TRPV1: variants seen among roughly 807,000 people sequenced by gnomAD.
TRPV1 encodes OTRPC1.
TRPV1 carries 82 observed loss-of-function variants against 82.3 expected under a neutral mutation model. The observed-to-expected ratio is 1.00, with a 90% CI of 0.83 to 1.20. The LOEUF is 1.20. TRPV1 is among the 50% of genes most tolerant of loss of function. The probability of loss-of-function intolerance (pLI) is 0.00; values close to 1 mark genes in which losing one functional copy is unlikely to be tolerated. For missense variants in TRPV1, 1,067 were observed against 1,096.8 expected, an observed-to-expected ratio of 0.97 and a Z score of 0.38; for synonymous variants, 515 against 467.7, an observed-to-expected ratio of 1.10 and a Z score of -1.30.
intron 2 of TRPV1, 33 bp from the exon 3 acceptor site, chr17:3,592,416 A>G (rs2075171820): frequency 6.6e-7 from 1 of 1,509,502 alleles, no homozygotes; most frequent in Non-Finnish European, 8.9e-7. Context: ...GTTGACTCCC[A>G]AAGTAAGGAC....
rs1173437837 is a variant in TRPV1 at position 3,592,480 on chromosome 17, G to T, written c.-33-97C>A. The stretch of plus-strand genomic sequence containing the variant: ...CTTGCCAAGGGCCCTGTGAAGCAGG[G>T]TACCCCAAAACTCCAACTTGCTGCT... On this transcript the variant is annotated intron_variant, in intron 2 of 16. Coordinates refer to ENST00000572705, the MANE Select transcript of TRPV1 (RefSeq NM_080704.4). 5.8e-5 allele frequency: 75 copies of T among 1,291,192 alleles called. 1 individual carries two copies. The highest frequency in any genetic ancestry group is 7.4e-5 in the Non-Finnish European group (71 of 963,854). The allele number at this position is 1,291,192 out of a possible 1,614,324, so 80.0% of individuals were successfully genotyped here. A position where few individuals can be genotyped will look rare whatever the true frequency, so the allele number is the denominator to read the frequency against.
chr17:3,589,849 T>TC lies in TRPV1; in HGVS notation c.1001dup (p.Met335AsnfsTer75). The TC allele has an allele frequency of 2.5e-6, 4 of 1,613,818 alleles. No individual in the cohort carries two copies. The highest frequency in any genetic ancestry group is 3.4e-6 in the Non-Finnish European group (4 of 1,179,846). On this transcript the variant is annotated frameshift_variant, in exon 7 of 17. Transcript: ENST00000572705. LOFTEE classifies it high-confidence loss of function. ...CAGCTGCCAGAGCCAGCGGCGTCAT[T>TC]CCCTTCTTGTTGGTGAGCTCCTCCA...
chr17:3,585,592 G>A (rs1444283287), intron 9 of TRPV1, 176 bp downstream of exon 9: 2 of 740,606 alleles, frequency 2.7e-6, no homozygotes, highest in Non-Finnish European at 4.3e-6. Flanking sequence ...GCCTGAGGCA[G>A]GGGAGATGGG....
rs1263666384 is a variant in TRPV1 at position 3,565,709 on chromosome 17, C to T, written c.*1106G>A. ...CTGCCAGAGCTGGGAGTGGGACAGC[C>T]TCCCCCATCTTCTCCAGGGAGGAAA... On this transcript the variant is annotated 3_prime_UTR_variant, in exon 17 of 17. Transcript: ENST00000572705. 6.6e-6 allele frequency: 1 copy of T among 152,272 alleles called. No homozygotes were observed. The highest frequency in any genetic ancestry group is 2.4e-5 in the African/African-American group (1 of 41,434). 9.4% of individuals were successfully genotyped at this position (152,272 alleles called of 1,614,324 possible). A position where few individuals can be genotyped will look rare whatever the true frequency, so the allele number is the denominator to read the frequency against.
At position 3,590,403 on chromosome 17, in the gene TRPV1, C is replaced by T. The variant is rs201348096; in HGVS notation, c.605-11G>A. The T allele has an allele frequency of 2.1e-4, 338 of 1,612,218 alleles. No individual in the cohort carries two copies. Among genetic ancestry groups the T allele is most frequent in the Non-Finnish European group, 2.5e-4 (299 of 1,179,038 alleles). On this transcript the variant is annotated splice_polypyrimidine_tract_variant and intron_variant, in intron 5 of 16. Transcript: ENST00000572705. The stretch of plus-strand genomic sequence containing the variant: ...GCAGTGCTGTCTGGCCTACAGAGGA[C>T]GCGCACGGTTGGCTTCGTGGTCACG...
chr17:3,602,099 ATT>A (rs1597556500), intron 2 of TRPV1: 2 of 152,182 alleles, frequency 1.3e-5, no homozygotes, highest in Non-Finnish European at 1.5e-5. Context: ...GGTGAGTACA[ATT>A]TTGTCCCCGT....
Position 3,592,368 on chromosome 17 carries a change from T to A in TRPV1, c.-18A>T. ...TTCTTCATCCTTGCTGGATCCTCTG[T>A]GGCCCAGTGTGCAACCTGCAGCAGC... On this transcript the variant is annotated 5_prime_UTR_variant, in exon 3 of 17. Coordinates refer to ENST00000572705, the MANE Select transcript of TRPV1 (RefSeq NM_080704.4). 1 of 1,574,994 alleles carries A rather than the reference T, an allele frequency of 6.3e-7. No individual in the cohort carries two copies. Among genetic ancestry groups the A allele is most frequent in the Admixed American group, 1.8e-5 (1 of 54,638 alleles).
At chr17:3,579,985 C>T (rs558836879) in intron 11 of TRPV1, among the ~76,000 whole-genome samples, 1 of 151,966 alleles carries the variant, frequency 6.6e-6, no homozygotes, top group Admixed American at 6.6e-5. Context: ...GAGTAGAGGC[C>T]GGTGATGCTG....
In TRPV1 at chr17:3,609,292, G is replaced by T. The variant is rs1342640736; in HGVS notation, c.-173+17C>A. ...ATTTGTAAAATGACATTTATAAAGA[G>T]ACAATATGTTTCATACCTGTCATGG... On this transcript the variant is annotated intron_variant, in intron 1 of 16. Transcript: ENST00000572705. 6.6e-6 allele frequency: 1 copy of T among 150,980 alleles called. No individual in the cohort carries two copies. Among genetic ancestry groups the T allele is most frequent in the African/African-American group, 2.4e-5 (1 of 40,972 alleles). 9.4% of individuals were successfully genotyped at this position (150,980 alleles called of 1,614,324 possible). A position where few individuals can be genotyped will look rare whatever the true frequency, so the allele number is the denominator to read the frequency against.
At chr17:3,597,575 C>T (rs2075230556) in intron 2 of TRPV1, among the ~76,000 whole-genome samples, 1 of 151,678 alleles carries the variant, frequency 6.6e-6, no homozygotes, top group Admixed American at 6.6e-5. Flanking sequence ...GGGTTGGCGT[C>T]GAGGGGGTCT....
chr17:3,573,532 G>GCGGCGC (rs1555548974), intron 14 of TRPV1, 101 bp downstream of exon 14: 1 of 255,776 alleles, frequency 3.9e-6, no homozygotes, highest in Non-Finnish European at 7.7e-6. Flanking sequence ...GCCACACACC[G>GCGGCGC]CCCCCACCAC....
At chr17:3,605,976 A>G (rs1247414913) in intron 2 of TRPV1, among the ~76,000 whole-genome samples, 2 of 139,424 alleles carry the variant, frequency 1.4e-5, no homozygotes, top group African/African-American at 6.5e-5. Context: ...TATTTATTTT[A>G]AAGACAGAAT....
chr17:3,586,864 G>A (rs1343969571), intron 8 of TRPV1, among the ~76,000 whole-genome samples: 1 of 152,090 alleles, frequency 6.6e-6, no homozygotes, highest in Non-Finnish European at 1.5e-5. Context: ...TCAGGCCATC[G>A]AGTCCAACCC....
In TRPV1 at chr17:3,585,838, T is replaced by C. The variant is rs537774139; in HGVS notation, c.1313A>G (p.Asn438Ser). ...CATGTACAGGCAGTAGACCAGGAAG[T>C]TGAAGTAGAAGATGCGCTTGACGAA... The part of the protein sequence containing the change: ...DRFVKRIFYF[N>S]FLVYCLYMII... The change falls in exon 9 of 17, where the codon AAC becomes AGC. Residue 438 changes from asparagine (N) to serine (S), a missense_variant. Transcript: ENST00000572705. 22 of 1,613,852 alleles carry C rather than the reference T, an allele frequency of 1.4e-5. No homozygotes were observed. Among genetic ancestry groups the C allele is most frequent in the African/African-American group, 6.7e-5 (5 of 75,004 alleles).
At chr17:3,569,577 T>C (rs224546) in intron 16 of TRPV1, among the ~76,000 whole-genome samples, 49,570 of 152,146 alleles carry the variant, frequency 0.33, 9,654 homozygotes, top group South Asian at 0.45. Flanking sequence ...GGAATTGCCT[T>C]TGAGTTAAAG....
chr17:3,591,501 T>C (rs2075157541), intron 3 of TRPV1, 148 bp from the exon 4 acceptor site: 1 of 947,328 alleles, frequency 1.1e-6, no homozygotes, highest in East Asian at 2.7e-5. Context: ...TCTAGGTGAC[T>C]GTCCAGAAAA....
chr17:3,592,007 T>A (rs2075164273), intron 3 of TRPV1, 60 bp downstream of exon 3: 3 of 1,568,820 alleles, frequency 1.9e-6, no homozygotes, highest in Non-Finnish European at 2.6e-6. Context: ...GACCACCCTG[T>A]GGCATCTCCA....
At chr17:3,604,025 C>T (rs759134136) in intron 2 of TRPV1, among the ~76,000 whole-genome samples, 3 of 152,252 alleles carry the variant, frequency 2.0e-5, no homozygotes, top group Non-Finnish European at 4.4e-5. Flanking sequence ...GTAACAGGCA[C>T]AGGCCAGGGG....
chr17:3,579,564 C>T (rs2150834792), intron 11 of TRPV1, among the ~76,000 whole-genome samples: 2 of 152,308 alleles, frequency 1.3e-5, no homozygotes. Flanking sequence ...CAACCTCTGT[C>T]TCCCGGGTAC....
Sources: allele counts gnomAD v4.1 joint callset (sites outside exome capture counted in the v4.1 genomes callset), GRCh38; gene constraint gnomAD v4.1.1; transcripts MANE v1.5; gene names NCBI Gene and HGNC (gene_info 2026-07-23, HGNC 2026-07-21).